Variants in PPM1B observed in about 807,000 individuals in gnomAD.
PPM1B encodes the protein protein phosphatase, Mg2+/Mn2+ dependent 1B.
PPM1B carries 22 observed loss-of-function variants against 43.0 expected under a neutral mutation model. The observed-to-expected ratio is 0.51, with a 90% CI of 0.37 to 0.73. The LOEUF (loss-of-function observed/expected upper bound fraction) is 0.73. Ranked by LOEUF, PPM1B falls within the 30% of genes least tolerant of loss-of-function variation. The pLI, the probability that PPM1B is intolerant of heterozygous loss-of-function variation, is 0.00. For synonymous variants in PPM1B, 217 were observed against 197.9 expected, an observed-to-expected ratio of 1.10 and a Z score of -0.81; for missense variants, 632 against 584.2, an observed-to-expected ratio of 1.08 and a Z score of -0.84.
chr2:44,177,526 C>T (rs1667638377), intron 1 of PPM1B, among the ~76,000 whole-genome samples: 1 of 145,390 alleles, frequency 6.9e-6, no homozygotes, highest in South Asian at 2.2e-4. Context: ...TTAAGTAATT[C>T]TCCTGTCTCA....
chr2:44,227,694 A>G (rs866488308), intron 5 of PPM1B, among the ~76,000 whole-genome samples: 8 of 150,648 alleles, frequency 5.3e-5, no homozygotes, highest in Non-Finnish European at 1.0e-4. Flanking sequence ...TAATTTTTGT[A>G]TTTTTAGTAG....
Position 44,206,669 on chromosome 2 carries a change from G to A in PPM1B, c.847-2541G>A, listed in dbSNP as rs554554147. Among the ~76,000 whole-genome samples the A allele has an allele frequency of 5.4e-4, 82 of 152,280 alleles. 1 individual carries two copies. Among genetic ancestry groups the A allele is most frequent in the South Asian group, 4.6e-3 (22 of 4,818 alleles). ...GAAATTAGATTTCTAAAAGTGTAAG[G>A]TGTTAATTCCGTTTATGCATAAAAT... On this transcript the variant is annotated intron_variant, in intron 2 of 5. Coordinates refer to ENST00000282412, the MANE Select transcript of PPM1B (RefSeq NM_002706.6).
intron 5 of PPM1B, among the ~76,000 whole-genome samples, chr2:44,228,115 G>A (rs1487769371): frequency 6.6e-6 from 1 of 150,388 alleles, no homozygotes; most frequent in African/African-American, 2.4e-5. Context: ...GTAGAGATAG[G>A]GTTTCACCAT....
intron 1 of PPM1B, among the ~76,000 whole-genome samples, chr2:44,169,815 C>T (rs1667236858): frequency 6.6e-6 from 1 of 152,166 alleles, no homozygotes; most frequent in Non-Finnish European, 1.5e-5. Flanking sequence ...TTTCTCTTTT[C>T]TTCGTACCCC....
intron 2 of PPM1B, among the ~76,000 whole-genome samples, chr2:44,202,740 A>T (rs1558409797): frequency 6.6e-6 from 1 of 152,158 alleles, no homozygotes. Flanking sequence ...TGGAACACTA[A>T]AGTTTATTTA....
intron 3 of PPM1B, among the ~76,000 whole-genome samples, chr2:44,213,140 T>C (rs1669561258): frequency 1.4e-5 from 2 of 147,472 alleles, no homozygotes; most frequent in South Asian, 4.4e-4. Context: ...CTTTCAACCC[T>C]GAGAAGCTAA....
chr2:44,188,790 C>G (rs1312176720), intron 1 of PPM1B, among the ~76,000 whole-genome samples: 7 of 148,468 alleles, frequency 4.7e-5, no homozygotes, highest in Non-Finnish European at 1.0e-4. Context: ...TTCCCTCCTT[C>G]CCTCCCCTTC....
intron 1 of PPM1B, among the ~76,000 whole-genome samples, chr2:44,182,915 GT>G (rs1304110644): frequency 6.6e-6 from 1 of 152,126 alleles, no homozygotes; most frequent in Non-Finnish European, 1.5e-5. Context: ...TTATTTCAGA[GT>G]TTATGGGATC....
chr2:44,209,621 C>G (rs1204923935), intron 3 of PPM1B, among the ~76,000 whole-genome samples: 1 of 151,936 alleles, frequency 6.6e-6, no homozygotes, highest in Admixed American at 6.6e-5. Context: ...GCTAAAAATA[C>G]AGAAAATTAG....
chr2:44,233,995 G>C, downstream of PPM1B: 1 of 984,862 alleles, frequency 1.0e-6, no homozygotes, highest in Non-Finnish European at 1.2e-6. Context: ...GTATGATATT[G>C]TGATGTTTCA....
intron 1 of PPM1B, among the ~76,000 whole-genome samples, chr2:44,173,700 T>G (rs1291587226): frequency 6.6e-6 from 1 of 152,230 alleles, no homozygotes; most frequent in Non-Finnish European, 1.5e-5. Flanking sequence ...CCCAGTACTT[T>G]GGGAGCCCGA....
chr2:44,226,355 TGTAA>T (rs1436026815), intron 5 of PPM1B, among the ~76,000 whole-genome samples: 6 of 152,308 alleles, frequency 3.9e-5, no homozygotes, highest in South Asian at 2.1e-4. Context: ...TGATTAATAA[TGTAA>T]GTGTCAGTTG....
In PPM1B at chr2:44,239,903, T is replaced by G. The variant is rs907030345; in HGVS notation, n.1547-4325T>G. Among the ~76,000 whole-genome samples, 392 of 151,826 alleles carry G rather than the reference T, an allele frequency of 2.6e-3. 3 individuals are homozygous for G. Among genetic ancestry groups the G allele is most frequent in the African/African-American group, 8.3e-3 (344 of 41,492 alleles). On this transcript the variant is annotated intron_variant and non_coding_transcript_variant, in intron 5 of 5. Transcript: ENST00000378540. ...TTTTTTGTTTTTGTTTTTGTTTTTT[T>G]TTTTTGTCTAACCCTGTGGAAATAT...
intron 1 of PPM1B, among the ~76,000 whole-genome samples, chr2:44,169,963 C>A (rs1012829237): frequency 6.6e-6 from 1 of 152,170 alleles, no homozygotes; most frequent in South Asian, 2.1e-4. Flanking sequence ...ACTGACTAGC[C>A]ATATGTGGTA....
At chr2:44,183,134 A>G (rs1295680904) in intron 1 of PPM1B, among the ~76,000 whole-genome samples, 8 of 152,212 alleles carry the variant, frequency 5.3e-5, no homozygotes. Context: ...TTTTGCACAA[A>G]TGCTAATACC....
At position 44,201,385 on chromosome 2, in the gene PPM1B, T is replaced by C; in HGVS notation, c.186T>C (p.His62=). 2.5e-6 allele frequency: 4 copies of C among 1,614,188 alleles called. No individual in the cohort carries two copies. The highest frequency in any genetic ancestry group is 3.4e-6 in the Non-Finnish European group (4 of 1,180,022). Residue 62 remains histidine (H), a synonymous_variant, in exon 2 of 6, where the codon CAT becomes CAC. Transcript: ENST00000282412. The surrounding 1 kb of genome is among the most constrained non-coding windows in gnomAD (Gnocchi z 5.4). ...DWSFFAVYDG[H]AGSRVANYCS... is the part of the protein sequence containing the mutation. ...CATTTTTTGCAGTTTATGATGGTCA[T>C]GCTGGATCCCGAGTGGCAAATTACT...
intron 1 of PPM1B, among the ~76,000 whole-genome samples, chr2:44,198,826 A>C (rs1046143934): frequency 1.3e-5 from 2 of 151,640 alleles, no homozygotes; most frequent in African/African-American, 4.8e-5. Context: ...AGGGCTGGTA[A>C]AAGTGCAGGT....
At chr2:44,179,387 G>C (rs1243112398) in intron 1 of PPM1B, among the ~76,000 whole-genome samples, 2 of 152,050 alleles carry the variant, frequency 1.3e-5, no homozygotes, top group African/African-American at 4.8e-5. Flanking sequence ...ATTAGCATTA[G>C]CCTCATTTAA....
chr2:44,236,531 A>T (rs1431104045), downstream of PPM1B, among the ~76,000 whole-genome samples: 1 of 152,038 alleles, frequency 6.6e-6, no homozygotes, highest in Non-Finnish European at 1.5e-5. Context: ...TAACAGGAGA[A>T]ATAATATTAG....
Sources: allele counts gnomAD v4.1 joint callset (sites outside exome capture counted in the v4.1 genomes callset), GRCh38; gene constraint gnomAD v4.1.1; non-coding constraint Gnocchi (gnomAD v3.1); transcripts MANE v1.5; gene names NCBI Gene and HGNC (gene_info 2026-07-23, HGNC 2026-07-21).